The following SLC25A48 variants were observed in gnomAD, a reference collection of about 807,000 sequenced individuals.
SLC25A48 encodes the protein solute carrier family 25 member 48.
Under a neutral mutation model 32.2 loss-of-function variants are expected in SLC25A48, and 29 were observed. The observed-to-expected ratio is 0.90, with a 90% CI of 0.67 to 1.23. The LOEUF is 1.23. Ranked by LOEUF, SLC25A48 falls within the 50% of genes most tolerant of loss-of-function variation. SLC25A48 has a pLI of 0.00. For synonymous variants in SLC25A48, 164 were observed against 172.3 expected, an observed-to-expected ratio of 0.95 and a Z score of 0.38; for missense variants, 399 against 422.7, an observed-to-expected ratio of 0.94 and a Z score of 0.49.
chr5:135,816,079 G>GGA lies in SLC25A48; in HGVS notation c.-117+3163_-117+3164dup, dbSNP rs537332790. On this transcript the variant is annotated intron_variant, in intron 4 of 10. Coordinates refer to the SLC25A48 transcript ENST00000646290. ...TAGGTGCCTTCTTCGCATGGTGGCA[G>GGA]GAGAGAGAGAGCGTGCAGGGAAAGC... Among the ~76,000 whole-genome samples, 52 of 152,192 alleles carry GGA rather than the reference G, an allele frequency of 3.4e-4. 2 individuals are homozygous for GGA. The South Asian group carries it at 8.9e-3, about 26-fold the overall frequency.
rs546939457 is a variant in SLC25A48, at chr5:135,880,080, C to T, written c.926C>T (p.Thr309Met). ...GCTATCCGCGGGGACCACGCAGTGA[C>T]GAGCCCATAAGCGCCAGGTCAGTGT... ...LQAIRGDHAV[T>M]SP Residue 309 changes from threonine to methionine, a missense_variant, in exon 7 of 8, where the codon ACG becomes ATG. Coordinates refer to ENST00000681962, the MANE Select transcript of SLC25A48 (RefSeq NM_001349336.2). The T allele has an allele frequency of 5.1e-5, 79 of 1,535,844 alleles. 1 individual carries two copies. Among genetic ancestry groups the T allele is most frequent in the South Asian group, 2.1e-4 (18 of 84,064 alleles).
intron 3 of SLC25A48, among the ~76,000 whole-genome samples, chr5:135,796,455 C>T (rs984062405): frequency 6.6e-6 from 1 of 151,638 alleles, no homozygotes; most frequent in African/African-American, 2.4e-5. Flanking sequence ...GGTGATATTA[C>T]TCCCCATATC....
At chr5:135,638,724 T>TAGATACCAAA (rs994260350) in intron 3 of SLC25A48, among the ~76,000 whole-genome samples, 1 of 152,232 alleles carries the variant, frequency 6.6e-6, no homozygotes, top group African/African-American at 2.4e-5. Flanking sequence ...TAGTTTAATT[T>TAGATACCAAA]AGATACCAAA....
intron 3 of SLC25A48, among the ~76,000 whole-genome samples, chr5:135,798,088 G>T (rs1031856318): frequency 1.3e-5 from 2 of 151,770 alleles, no homozygotes; most frequent in African/African-American, 2.4e-5. Flanking sequence ...ATATCAAAGG[G>T]TGTGTGCACC....
chr5:135,731,065 C>A (rs1755208889), intron 3 of SLC25A48, among the ~76,000 whole-genome samples: 1 of 152,158 alleles, frequency 6.6e-6, no homozygotes. Context: ...GTTTATTTCA[C>A]CTGGGTGCAG....
intron 3 of SLC25A48, among the ~76,000 whole-genome samples, chr5:135,794,919 A>C (rs1384851319): frequency 6.6e-6 from 1 of 150,808 alleles, no homozygotes; most frequent in Non-Finnish European, 1.5e-5. Flanking sequence ...TGGGAAAGAA[A>C]GTGGTATTAC....
rs969186553 is a variant in SLC25A48, at chr5:135,776,081, G to A, written c.-520-36442G>A. ...GTTATTACTCCAAATATCGCAGAAG[G>A]TGTACACGTCCCCTGTGATATTGTT... On this transcript the variant is annotated intron_variant, in intron 3 of 10. Coordinates refer to the SLC25A48 transcript ENST00000646290. Among the ~76,000 whole-genome samples the A allele has an allele frequency of 2.0e-5, 3 of 151,828 alleles. No individual in the cohort carries two copies. The South Asian group carries it at 6.2e-4, about 31-fold the overall frequency.
intron 6 of SLC25A48, chr5:135,875,703 C>A (rs537333519): frequency 6.6e-6 from 1 of 152,322 alleles, no homozygotes; most frequent in South Asian, 2.1e-4. Flanking sequence ...AGAGAAAAAG[C>A]CCATTCTCTG....
chr5:135,682,573 A>G (rs1753922857), intron 3 of SLC25A48, among the ~76,000 whole-genome samples: 1 of 152,190 alleles, frequency 6.6e-6, no homozygotes, highest in Non-Finnish European at 1.5e-5. Context: ...GAATTAACTA[A>G]TCACCACAAT....
chr5:135,871,427 G>T, intron 4 of SLC25A48, 34 bp from the exon 5 acceptor site: 1 of 1,558,412 alleles, frequency 6.4e-7, no homozygotes, highest in Non-Finnish European at 8.7e-7. Flanking sequence ...TACACCCTGG[G>T]TCACTTGCCA....
intron 2 of SLC25A48, among the ~76,000 whole-genome samples, chr5:135,847,084 C>T (rs555229346): frequency 6.6e-6 from 1 of 152,260 alleles, no homozygotes; most frequent in Admixed American, 6.5e-5. Flanking sequence ...ATGGCAAGAC[C>T]ATCAATTCTG....
At chr5:135,594,850 T>A (rs1160193387) in intron 1 of SLC25A48, among the ~76,000 whole-genome samples, 1 of 152,202 alleles carries the variant, frequency 6.6e-6, no homozygotes, top group Admixed American at 6.5e-5. Context: ...ACACACAGGC[T>A]CAGGTAAGCC....
At chr5:135,665,765 G>GAAAA (rs10648621) in intron 3 of SLC25A48, among the ~76,000 whole-genome samples, 2,064 of 148,018 alleles carry the variant, frequency 0.014, 48 homozygotes, top group African/African-American at 0.044. Flanking sequence ...TATTCTTTTT[G>GAAAA]AAAAAAAAAA....
intron 3 of SLC25A48, among the ~76,000 whole-genome samples, chr5:135,663,765 C>A (rs1443005261): frequency 6.6e-6 from 1 of 152,148 alleles, no homozygotes. Context: ...TTATCTCTCA[C>A]CTCCACCTGT....
chr5:135,600,515 C>T (rs1751770140), intron 1 of SLC25A48, among the ~76,000 whole-genome samples: 1 of 152,184 alleles, frequency 6.6e-6, no homozygotes, highest in Admixed American at 6.5e-5. Context: ...GACTAACCTT[C>T]CTCGGGCTCC....
rs1021858641 is a variant in SLC25A48 at position 135,655,799 on chromosome 5, A to G, written c.-521+20843A>G. ...ATCCACAGATTGCTCAGCTACATGCATCCTCCCCACGGCTGTGAAGTTTGG... is the reference window on the plus strand; with the variant it reads ...ATCCACAGATTGCTCAGCTACATGCGTCCTCCCCACGGCTGTGAAGTTTGG... On this transcript the variant is annotated intron_variant, in intron 3 of 10. Transcript: ENST00000646290. Among the ~76,000 whole-genome samples the G allele has an allele frequency of 2.8e-4, 42 of 152,218 alleles. 1 individual carries two copies. Among genetic ancestry groups the G allele is most frequent in the Admixed American group, 5.9e-4 (9 of 15,286 alleles).
chr5:135,763,686 C>A (rs188833301), intron 3 of SLC25A48, among the ~76,000 whole-genome samples: 1 of 151,826 alleles, frequency 6.6e-6, no homozygotes, highest in Non-Finnish European at 1.5e-5. Flanking sequence ...TAAACTTTGT[C>A]TTTCTCGAAG....
At chr5:135,631,800 A>G (rs1752577994) in intron 2 of SLC25A48, among the ~76,000 whole-genome samples, 1 of 152,238 alleles carries the variant, frequency 6.6e-6, no homozygotes, top group Non-Finnish European at 1.5e-5. Flanking sequence ...ATTTATCCCT[A>G]TACGGAGGAC....
rs1756777555 is a variant in SLC25A48, at chr5:135,783,890, G to A, written c.-520-28633G>A. On this transcript the variant is annotated intron_variant, in intron 3 of 10. Coordinates refer to the SLC25A48 transcript ENST00000646290. ...AATATTCTTCTTGGTATTCAGGTGG[G>A]GAGAAAATGATATTATTCCCAATAT... 4.2e-5 allele frequency among the ~76,000 whole-genome samples: 5 copies of A among 118,106 alleles called. 2 individuals carry two copies. The allele number at this position is 118,106 out of a possible 152,430, so 77.5% of individuals were successfully genotyped here.
Sources: gnomAD v4.1 joint callset for allele counts (sites outside exome capture counted in the v4.1 genomes callset) on GRCh38, gnomAD v4.1.1 for gene constraint, MANE v1.5 for transcripts, NCBI Gene and HGNC (gene_info 2026-07-23, HGNC 2026-07-21) for gene names.